Variants in LIPJ observed in about 807,000 individuals in gnomAD.
The protein encoded by LIPJ is lipase member J.
In LIPJ, 33 loss-of-function variants were observed where a neutral mutation model predicts 39.8. That is an observed-to-expected ratio of 0.83 (90% CI 0.63 to 1.11). The LOEUF (loss-of-function observed/expected upper bound fraction) is 1.11. LIPJ is among the 50% of genes least tolerant of loss of function. The probability of loss-of-function intolerance (pLI) is 0.00; values close to 1 mark genes in which losing one functional copy is unlikely to be tolerated. For synonymous variants in LIPJ, 128 were observed against 139.2 expected (o/e 0.92, Z 0.57); for missense variants, 422 against 427.9 (o/e 0.99, Z 0.12).
chr10:88,593,426 C>T (rs1387863662), intron 4 of LIPJ: 2 of 151,860 alleles, frequency 1.3e-5, no homozygotes, highest in Non-Finnish European at 2.9e-5. Context: ...ACAATAAATC[C>T]TGAAGGATAG....
At chr10:88,621,855 A>G in the LIPJ span, among the ~76,000 whole-genome samples, 102 of 152,322 alleles carry the variant, frequency 6.7e-4, 1 homozygote, top group Admixed American at 2.9e-3. Context: ...ATGCTCCACT[A>G]TATTTCAGCC....
chr10:88,613,532 C>G, the LIPJ span, among the ~76,000 whole-genome samples: 11 of 151,428 alleles, frequency 7.3e-5, no homozygotes, highest in African/African-American at 2.4e-4. Context: ...AATGAGGGTG[C>G]AATGGAATCT....
intron 10 of LIPJ, 87 bp from the exon 11 acceptor site, chr10:88,606,587 T>A (rs1167425376): frequency 1.2e-5 from 9 of 753,250 alleles, no homozygotes; most frequent in Non-Finnish European, 2.0e-5. Context: ...AAACAGTATT[T>A]AAACTCATCA....
the LIPJ span, among the ~76,000 whole-genome samples, chr10:88,613,509 T>C: frequency 3.3e-5 from 5 of 151,656 alleles, no homozygotes; most frequent in African/African-American, 1.2e-4. Context: ...GGAGAGTGTA[T>C]AGGGAAGAGG....
Position 88,590,566 on chromosome 10 carries a change from A to C in LIPJ, c.-103-19A>C. On this transcript the variant is annotated intron_variant, in intron 2 of 10. Coordinates refer to ENST00000371939, the Ensembl canonical transcript of LIPJ. ...TTGCTGCAATTTTAACTGTATAAAC[A>C]TCTCCCTTTTATATATAGGTCCCAA... 4.0e-6 allele frequency: 3 copies of C among 748,934 alleles called. No individual in the cohort carries two copies. The South Asian group carries it at 4.5e-5, about 11-fold the overall frequency. The allele number at this position is 748,934 out of a possible 1,614,324, so 46.4% of individuals were successfully genotyped here.
intron 2 of LIPJ, among the ~76,000 whole-genome samples, chr10:88,588,030 T>A (rs1426659461): frequency 6.6e-6 from 1 of 152,022 alleles, no homozygotes; most frequent in Non-Finnish European, 1.5e-5. Context: ...TAAAAGATCT[T>A]AATTCTGGAG....
chr10:88,607,504 C>T (rs975673339), downstream of LIPJ, among the ~76,000 whole-genome samples: 1 of 152,088 alleles, frequency 6.6e-6, no homozygotes, highest in Non-Finnish European at 1.5e-5. Context: ...GCCTTTCCAG[C>T]CTATTGTGTG....
intron 6 of LIPJ, among the ~76,000 whole-genome samples, chr10:88,594,992 G>T (rs934377614): frequency 6.6e-6 from 1 of 151,642 alleles, no homozygotes; most frequent in Non-Finnish European, 1.5e-5. Flanking sequence ...AGACAAGGTT[G>T]GTTGTGGTTT....
chr10:88,620,804 C>A, the LIPJ span, among the ~76,000 whole-genome samples: 7 of 152,138 alleles, frequency 4.6e-5, no homozygotes, highest in African/African-American at 1.4e-4. Flanking sequence ...ATAAAAGATA[C>A]TATAAACTGA....
At chr10:88,606,794 C>A (rs935117943) in exon 11 of LIPJ, 2 of 1,612,766 alleles carry the variant, frequency 1.2e-6, no homozygotes, top group Non-Finnish European at 1.7e-6. Flanking sequence ...AATCACAAAC[C>A]ACATTTATTA....
intron 4 of LIPJ, chr10:88,592,025 A>G (rs1445799077): frequency 6.6e-6 from 1 of 151,908 alleles, no homozygotes; most frequent in Non-Finnish European, 1.5e-5. Context: ...TACTAGTAGA[A>G]TATGTAATGG....
At chr10:88,611,606 A>G (rs147696442), downstream of LIPJ, among the ~76,000 whole-genome samples, 2,224 of 152,340 alleles carry the variant, frequency 0.015, 64 homozygotes, top group African/African-American at 0.05. Context: ...ACACACTTAG[A>G]GAAATGCAAA....
At chr10:88,598,450 C>G (rs1013976115) in intron 8 of LIPJ, among the ~76,000 whole-genome samples, 1 of 151,968 alleles carries the variant, frequency 6.6e-6, no homozygotes, top group Non-Finnish European at 1.5e-5. Flanking sequence ...AAGTTTTGAC[C>G]TTGTCCAGGT....
intron 9 of LIPJ, among the ~76,000 whole-genome samples, chr10:88,604,475 G>A (rs1462917642): frequency 1.3e-5 from 2 of 152,292 alleles, no homozygotes; most frequent in African/African-American, 4.8e-5. Flanking sequence ...TCATCCAAAT[G>A]GGAAATGATG....
At chr10:88,598,723 G>T (rs1851344614) in intron 8 of LIPJ, among the ~76,000 whole-genome samples, 1 of 151,712 alleles carries the variant, frequency 6.6e-6, no homozygotes. Context: ...AGAACAGTGC[G>T]ATTTGGGTTG....
exon 8 of LIPJ, chr10:88,596,925 A>T: frequency 6.6e-7 from 1 of 1,519,908 alleles, no homozygotes; most frequent in Non-Finnish European, 9.0e-7. Context: ...TGACCCAAAA[A>T]ACTTAAATAT....
intron 6 of LIPJ, among the ~76,000 whole-genome samples, chr10:88,595,817 A>G (rs1417720618): frequency 6.6e-6 from 1 of 151,640 alleles, no homozygotes; most frequent in African/African-American, 2.4e-5. Context: ...TAAATTGCCA[A>G]TAAAATAAGA....
At chr10:88,602,731 C>T in intron 9 of LIPJ, 84 bp downstream of exon 9, 1 of 683,884 alleles carries the variant, frequency 1.5e-6, no homozygotes, top group African/African-American at 1.9e-5. Flanking sequence ...CATACCATGG[C>T]CATAGAGTAA....
chr10:88,594,696 C>T (rs765072648), exon 6 of LIPJ: 4 of 1,551,598 alleles, frequency 2.6e-6, no homozygotes, highest in Non-Finnish European at 3.5e-6. Context: ...TATGACCTTC[C>T]AGCCTCTATT....
Sources: gnomAD v4.1 joint callset for allele counts (sites outside exome capture counted in the v4.1 genomes callset) on GRCh38, gnomAD v4.1.1 for gene constraint, MANE v1.5 for transcripts, NCBI Gene and HGNC (gene_info 2026-07-23, HGNC 2026-07-21) for gene names.